ABTB3: variants seen among roughly 807,000 people sequenced by gnomAD.
ABTB3 encodes ankyrin repeat- and BTB/POZ domain-containing protein 3.
the ABTB3 span, among the ~76,000 whole-genome samples, chr12:107,345,263 A>G: frequency 6.6e-6 from 1 of 152,224 alleles, no homozygotes; most frequent in African/African-American, 2.4e-5. Flanking sequence ...CTCTTTACAA[A>G]TAAGTAGACA....
the ABTB3 span, among the ~76,000 whole-genome samples, chr12:107,350,801 T>C: frequency 6.6e-6 from 1 of 152,206 alleles, no homozygotes; most frequent in African/African-American, 2.4e-5. Context: ...TTGAACATGG[T>C]CTAACAGCAT....
chr12:107,548,697 A>G, the ABTB3 span, among the ~76,000 whole-genome samples: 1 of 152,192 alleles, frequency 6.6e-6, no homozygotes, highest in Non-Finnish European at 1.5e-5. Flanking sequence ...ATTAGGTGAT[A>G]TTTATTTTCC....
At chr12:107,365,188 G>A in the ABTB3 span, among the ~76,000 whole-genome samples, 2 of 152,166 alleles carry the variant, frequency 1.3e-5, no homozygotes, top group Non-Finnish European at 2.9e-5. Flanking sequence ...ACATCACAGG[G>A]TTGCTGTGAT....
chr12:107,511,757 CAG>C, the ABTB3 span, among the ~76,000 whole-genome samples: 2 of 152,078 alleles, frequency 1.3e-5, no homozygotes, highest in Non-Finnish European at 2.9e-5. Flanking sequence ...TGCATATAGA[CAG>C]GGGTGAAAAA....
At chr12:107,334,773 G>C in the ABTB3 span, among the ~76,000 whole-genome samples, 1 of 152,162 alleles carries the variant, frequency 6.6e-6, no homozygotes, top group African/African-American at 2.4e-5. Context: ...CCTTGGGCCA[G>C]ATGGAAGAGG....
At chr12:107,550,575 CTTTCTTTCT>C in the ABTB3 span, among the ~76,000 whole-genome samples, 2 of 142,356 alleles carry the variant, frequency 1.4e-5, no homozygotes, top group Non-Finnish European at 3.0e-5. Context: ...TTCTTTCTTT[CTTTCTTTCT>C]TTTTTTTTTT....
the ABTB3 span, among the ~76,000 whole-genome samples, chr12:107,648,540 T>G: frequency 6.6e-6 from 1 of 152,162 alleles, no homozygotes; most frequent in African/African-American, 2.4e-5. Flanking sequence ...GGACACCAGT[T>G]TGCAAAGCTC....
At chr12:107,398,429 G>A in the ABTB3 span, among the ~76,000 whole-genome samples, 1 of 152,228 alleles carries the variant, frequency 6.6e-6, no homozygotes, top group Admixed American at 6.5e-5. Context: ...CAAGCTCATT[G>A]GCAGGCCAGG....
the ABTB3 span, among the ~76,000 whole-genome samples, chr12:107,521,016 A>G: frequency 6.6e-6 from 1 of 152,230 alleles, no homozygotes; most frequent in Non-Finnish European, 1.5e-5. Flanking sequence ...CTCTAAAACA[A>G]AATCATGTTT....
chr12:107,443,253 C>A, the ABTB3 span, among the ~76,000 whole-genome samples: 1 of 151,550 alleles, frequency 6.6e-6, no homozygotes, highest in Admixed American at 6.6e-5. Flanking sequence ...AATGGCGCGG[C>A]CTTTTTTTTT....
the ABTB3 span, among the ~76,000 whole-genome samples, chr12:107,586,754 G>A: frequency 6.6e-6 from 1 of 152,140 alleles, no homozygotes; most frequent in African/African-American, 2.4e-5. Context: ...CAGCAAACAT[G>A]TATGGAGCAC....
At chr12:107,498,699 TGATAACATTGGGCCCAC>T in the ABTB3 span, among the ~76,000 whole-genome samples, 333 of 152,274 alleles carry the variant, frequency 2.2e-3, 1 homozygote, top group Middle Eastern at 3.4e-3. Flanking sequence ...AGGACCCTTG[TGATAACATTGGGCCCAC>T]CTAGAAAACC....
chr12:107,520,186 G>C, the ABTB3 span: 21 of 984,794 alleles, frequency 2.1e-5, no homozygotes, highest in Non-Finnish European at 2.4e-5. Flanking sequence ...TCTAGGAGTG[G>C]ATAGCAACCC....
At chr12:107,475,742 C>A in the ABTB3 span, among the ~76,000 whole-genome samples, 1 of 151,998 alleles carries the variant, frequency 6.6e-6, no homozygotes, top group East Asian at 1.9e-4. Flanking sequence ...GAAACTGAGG[C>A]ACTAAGAGGT....
chr12:107,410,407 CA>C, the ABTB3 span, among the ~76,000 whole-genome samples: 3 of 151,904 alleles, frequency 2.0e-5, no homozygotes, highest in African/African-American at 7.3e-5. Context: ...GAGAAGAATC[CA>C]AGAATTCCAG....
chr12:107,535,330 A>C, the ABTB3 span, among the ~76,000 whole-genome samples: 1 of 152,194 alleles, frequency 6.6e-6, no homozygotes, highest in Non-Finnish European at 1.5e-5. Flanking sequence ...ATTATATTTA[A>C]TGGGGAAAAG....
At chr12:107,510,778 T>TG in the ABTB3 span, among the ~76,000 whole-genome samples, 1 of 151,908 alleles carries the variant, frequency 6.6e-6, no homozygotes, top group Admixed American at 6.6e-5. Flanking sequence ...AAAAATTAGC[T>TG]GGATGTGGTG....
the ABTB3 span, among the ~76,000 whole-genome samples, chr12:107,624,420 C>T: frequency 3.3e-5 from 5 of 152,250 alleles, no homozygotes; most frequent in South Asian, 2.1e-4. Context: ...AACATAGTGA[C>T]ATGATCGTCA....
At chr12:107,550,664 T>C in the ABTB3 span, among the ~76,000 whole-genome samples, 1 of 149,260 alleles carries the variant, frequency 6.7e-6, no homozygotes, top group Admixed American at 6.7e-5. Context: ...CACTGCAACC[T>C]CCGCCTTCCA....
Sources: gnomAD v4.1 joint callset for allele counts (sites outside exome capture counted in the v4.1 genomes callset) on GRCh38, gnomAD v4.1.1 for gene constraint, MANE v1.5 for transcripts, NCBI Gene and HGNC (gene_info 2026-07-23, HGNC 2026-07-21) for gene names.